Variants in CAMSAP2 observed in about 807,000 individuals in gnomAD.
The protein encoded by CAMSAP2 is calmodulin-regulated spectrin-associated protein 2.
Under a neutral mutation model 146.1 loss-of-function variants are expected in CAMSAP2, and 26 were observed. The observed-to-expected ratio is 0.18, with a 90% CI of 0.13 to 0.25. CAMSAP2 has a LOEUF of 0.25. Ranked by LOEUF, CAMSAP2 falls within the 10% of genes least tolerant of loss-of-function variation. The pLI, the probability that CAMSAP2 is intolerant of heterozygous loss-of-function variation, is 1.00. For synonymous variants in CAMSAP2, 499 were observed against 596.6 expected (o/e 0.84, Z 2.38); for missense variants, 1,381 against 1,759.3 (o/e 0.78, Z 3.85).
chr1:200,847,332 G>A, intron 9 of CAMSAP2, 40 bp downstream of exon 9: 1 of 1,371,654 alleles, frequency 7.3e-7, no homozygotes. Flanking sequence ...ACTCTTTTAA[G>A]TAGGTTACCT....
intron 2 of CAMSAP2, among the ~76,000 whole-genome samples, chr1:200,787,555 G>A (rs1422022974): frequency 2.0e-5 from 3 of 152,206 alleles, no homozygotes; most frequent in Non-Finnish European, 4.4e-5. Context: ...GTGGTTTCTT[G>A]TGATGGATCT....
chr1:200,822,230 C>T (rs1298252821), intron 4 of CAMSAP2, among the ~76,000 whole-genome samples: 3 of 151,806 alleles, frequency 2.0e-5, no homozygotes, highest in Non-Finnish European at 2.9e-5. Context: ...CCCCTTTACC[C>T]CTTAATACTT....
rs763483958 is a variant in CAMSAP2, at chr1:200,849,859, A to G, written c.3090A>G (p.Leu1030=). 2 of 1,614,206 alleles carry G rather than the reference A, an allele frequency of 1.2e-6. No individual in the cohort carries two copies. The highest frequency in any genetic ancestry group is 4.5e-5 in the East Asian group (2 of 44,884). ...TTGGGGATGATGGAGAACCTCAGTT[A>G]AAGGAATCCAAACCTAAAGAGGAAG... The part of the protein sequence containing the change: ...VCFGDDGEPQ[L]KESKPKEEVK... The change falls in exon 11 of 17, where the codon TTA becomes TTG. Residue 1030 remains leucine (L), a synonymous_variant. Transcript: ENST00000358823. The surrounding 1 kb of genome is among the most constrained non-coding windows in gnomAD (Gnocchi z 6.3).
intron 11 of CAMSAP2, 101 bp from the exon 12 acceptor site, chr1:200,852,439 CT>C (rs762809458): frequency 1.4e-5 from 19 of 1,321,784 alleles, no homozygotes; most frequent in Non-Finnish European, 2.0e-5. Flanking sequence ...ATAGTTCAAA[CT>C]TTCAGTTATA....
intron 2 of CAMSAP2, among the ~76,000 whole-genome samples, chr1:200,796,187 T>C (rs1665879275): frequency 6.6e-6 from 1 of 152,150 alleles, no homozygotes; most frequent in African/African-American, 2.4e-5. Flanking sequence ...CAGCAGTACG[T>C]CTGGAACAAC....
chr1:200,751,364 T>A (rs1171507033), intron 1 of CAMSAP2, among the ~76,000 whole-genome samples: 1 of 151,578 alleles, frequency 6.6e-6, no homozygotes, highest in Admixed American at 6.6e-5. Context: ...CTGAACATAA[T>A]CTCATTTAAA....
chr1:200,854,648 C>T (rs1667704303), intron 13 of CAMSAP2, among the ~76,000 whole-genome samples, 169 bp from the exon 14 acceptor site: 1 of 152,086 alleles, frequency 6.6e-6, no homozygotes, highest in Non-Finnish European at 1.5e-5. Flanking sequence ...TGTATATATG[C>T]ATGCAAGCAT....
Position 200,832,682 on chromosome 1 carries a change from AC to A in CAMSAP2, c.788-22del, listed in dbSNP as rs777027508. On this transcript the variant is annotated intron_variant, in intron 5 of 16. Coordinates refer to ENST00000358823, the MANE Select transcript of CAMSAP2 (RefSeq NM_203459.4). This position sits in a 1 kb window ranked among gnomAD's most constrained non-coding sequence, Gnocchi z 4.2. ...ATTATCAAATTAATCCAAAGTCACC[AC>A]CTTGCTCTTTTCTTATTTGAAGATA... 6.3e-7 allele frequency: 1 copy of A among 1,575,246 alleles called. No homozygotes were observed. Among genetic ancestry groups the A allele is most frequent in the African/African-American group, 1.4e-5 (1 of 73,188 alleles).
chr1:200,817,285 C>T (rs1666628172), intron 4 of CAMSAP2, among the ~76,000 whole-genome samples: 1 of 116,968 alleles, frequency 8.5e-6, no homozygotes, highest in Non-Finnish European at 1.9e-5. Context: ...TATATATTTT[C>T]CCAGAATTCC....
intron 1 of CAMSAP2, among the ~76,000 whole-genome samples, chr1:200,753,307 A>G (rs1448864185): frequency 6.6e-6 from 1 of 151,880 alleles, no homozygotes; most frequent in African/African-American, 2.4e-5. Context: ...TCAAAAAAAA[A>G]AAAAAAAAAA....
intron 2 of CAMSAP2, among the ~76,000 whole-genome samples, chr1:200,774,722 C>T (rs1363376099): frequency 1.3e-5 from 2 of 152,262 alleles, no homozygotes; most frequent in South Asian, 2.1e-4. Context: ...CAGAGGCTAT[C>T]GCATTGCCGA....
chr1:200,764,800 A>G (rs1047779439), intron 2 of CAMSAP2, among the ~76,000 whole-genome samples: 3 of 152,194 alleles, frequency 2.0e-5, no homozygotes, highest in Admixed American at 6.5e-5. Context: ...TTTAGTAATC[A>G]ATCTTTAAAA....
At chr1:200,789,210 T>G (rs559090092) in intron 2 of CAMSAP2, among the ~76,000 whole-genome samples, 51 of 152,298 alleles carry the variant, frequency 3.3e-4, no homozygotes, top group African/African-American at 1.2e-3. Context: ...ATCAATTATT[T>G]TTTCATGGAT....
rs1667559422 is a variant in CAMSAP2, at chr1:200,849,559, T to C, written c.2790T>C (p.Ile930=). 6.2e-7 allele frequency: 1 copy of C among 1,614,152 alleles called. No individual in the cohort carries two copies. The highest frequency in any genetic ancestry group is 1.3e-5 in the African/African-American group (1 of 75,020). The change falls in exon 11 of 17, where the codon ATT becomes ATC. Residue 930 remains isoleucine, a synonymous_variant. Coordinates refer to ENST00000358823, the MANE Select transcript of CAMSAP2 (RefSeq NM_203459.4). This position sits in a 1 kb window ranked among gnomAD's most constrained non-coding sequence, Gnocchi z 6.3. The part of the protein sequence containing the change: ...SPPQPSPQKQ[I]RDFKPSKQAG... ...CACAACCCTCTCCACAGAAACAGATTCGAGATTTTAAGCCTTCTAAGCAGG... is the reference window on the plus strand; with the variant it reads ...CACAACCCTCTCCACAGAAACAGATCCGAGATTTTAAGCCTTCTAAGCAGG...
chr1:200,756,679 G>A lies in CAMSAP2; in HGVS notation c.140-4160G>A, dbSNP rs536249996. ...AGAGAAAACTAAAGTTTCTCAAAGC[G>A]TGTACAAGGAGTAAATAATGATTAC... On this transcript the variant is annotated intron_variant, in intron 1 of 16. Coordinates refer to ENST00000358823, the MANE Select transcript of CAMSAP2 (RefSeq NM_203459.4). Among the ~76,000 whole-genome samples the A allele has an allele frequency of 5.3e-5, 8 of 152,220 alleles. No homozygotes were observed. The South Asian group carries it at 6.2e-4, about 12-fold the overall frequency.
intron 3 of CAMSAP2, among the ~76,000 whole-genome samples, chr1:200,811,025 C>A (rs6427859): frequency 0.32 from 48,079 of 152,050 alleles, 8,670 homozygotes; most frequent in East Asian, 0.52. Flanking sequence ...GCCTGCTCTT[C>A]TCTCTCTCTC....
At chr1:200,844,353 G>C (rs1054678622) in intron 7 of CAMSAP2, among the ~76,000 whole-genome samples, 5 of 151,706 alleles carry the variant, frequency 3.3e-5, no homozygotes, top group African/African-American at 1.2e-4. Context: ...TTCGAGACCA[G>C]CCTGGCCAAT....
At chr1:200,782,264 A>G (rs1203138783) in intron 2 of CAMSAP2, among the ~76,000 whole-genome samples, 1 of 152,228 alleles carries the variant, frequency 6.6e-6, no homozygotes, top group East Asian at 1.9e-4. Context: ...GGCTGAGTGA[A>G]GTCCATTGAT....
intron 4 of CAMSAP2, among the ~76,000 whole-genome samples, chr1:200,823,961 G>A (rs758640679): frequency 1.6e-4 from 25 of 152,156 alleles, no homozygotes; most frequent in African/African-American, 4.8e-4. Context: ...CTAATACTGC[G>A]TTGTTTATTT....
Sources: allele counts gnomAD v4.1 joint callset (sites outside exome capture counted in the v4.1 genomes callset), GRCh38; gene constraint gnomAD v4.1.1; non-coding constraint Gnocchi (gnomAD v3.1); transcripts MANE v1.5; gene names NCBI Gene and HGNC (gene_info 2026-07-23, HGNC 2026-07-21).